The following PIWIL1 variants were observed in gnomAD, a reference collection of about 807,000 sequenced individuals.
PIWIL1 encodes the protein piwi-like protein 1.
PIWIL1 carries 73 observed loss-of-function variants against 114.4 expected under a neutral mutation model. That is an observed-to-expected ratio of 0.64 (90% CI 0.53 to 0.78). The LOEUF is 0.78. Among genes scored for constraint, PIWIL1 ranks in the 30% least tolerant of loss-of-function variants. The pLI is 0.00. For synonymous variants in PIWIL1, 375 were observed against 369.0 expected, an observed-to-expected ratio of 1.02 and a Z score of -0.19; for missense variants, 723 against 1,063.1, an observed-to-expected ratio of 0.68 and a Z score of 4.45.
chr12:130,365,188 T>C (rs2073621467), intron 18 of PIWIL1, among the ~76,000 whole-genome samples: 1 of 152,188 alleles, frequency 6.6e-6, no homozygotes, highest in African/African-American at 2.4e-5. Context: ...AGTCGACTGC[T>C]TGGGCTGACA....
At chr12:130,374,492 A>G (rs950736863), downstream of PIWIL1, among the ~76,000 whole-genome samples, 5 of 152,336 alleles carry the variant, frequency 3.3e-5, no homozygotes, top group African/African-American at 7.2e-5. Context: ...AAGAGTAGTC[A>G]GGAGGGAGTC....
At chr12:130,367,019 T>G in intron 18 of PIWIL1, 114 bp from the exon 19 acceptor site, 1 of 1,189,922 alleles carries the variant, frequency 8.4e-7, no homozygotes, top group Non-Finnish European at 1.2e-6. Context: ...GGACAGATGA[T>G]ACGCCCCAGG....
At chr12:130,407,761 C>G in the PIWIL1 span, 1 of 1,614,096 alleles carries the variant, frequency 6.2e-7, no homozygotes, top group African/African-American at 1.3e-5. Flanking sequence ...TCTCTGGGGT[C>G]GTAGTCATAC....
chr12:130,346,962 A>G lies in PIWIL1; in HGVS notation c.553A>G (p.Thr185Ala). The G allele has an allele frequency of 6.2e-7, 1 of 1,612,912 alleles. No homozygotes were observed. Among genetic ancestry groups the G allele is most frequent in the Non-Finnish European group, 8.5e-7 (1 of 1,179,586 alleles). The change falls in exon 6 of 21, where the codon ACC (threonine) becomes GCC (alanine). Residue 185 changes from threonine to alanine, a missense_variant. Physicochemically the swap from Thr to Ala is moderately conservative, Grantham distance 58 (BLOSUM62 0). Around this residue, in one of 8 missense-constraint regions of PIWIL1, gnomAD observed 190 missense variants for 294.4 expected, o/e 0.65. Transcript: ENST00000245255. ...QQKVTEVFSK[T>A]RNGEDVRITI... ...TCAGGTTACTGAAGTTTTTAGTAAGACCCGGAATGGAGAGGATGTGAGGAT... is the reference window on the plus strand; with the variant it reads ...TCAGGTTACTGAAGTTTTTAGTAAGGCCCGGAATGGAGAGGATGTGAGGAT...
chr12:130,370,007 C>T (rs1703358588), intron 19 of PIWIL1, among the ~76,000 whole-genome samples: 1 of 152,290 alleles, frequency 6.6e-6, no homozygotes, highest in East Asian at 1.9e-4. Context: ...GCTGGGAAGC[C>T]GGGCTTGGAT....
At chr12:130,410,679 G>C in the PIWIL1 span, among the ~76,000 whole-genome samples, 47 of 152,236 alleles carry the variant, frequency 3.1e-4, no homozygotes, top group African/African-American at 1.1e-3. Flanking sequence ...ATATGTGTTG[G>C]TCTGTTTCTG....
At chr12:130,363,975 T>C (rs1193198323) in intron 18 of PIWIL1, among the ~76,000 whole-genome samples, 1 of 152,178 alleles carries the variant, frequency 6.6e-6, no homozygotes, top group Non-Finnish European at 1.5e-5. Flanking sequence ...GATGCTGCAC[T>C]TGTTTTCCTT....
chr12:130,361,668 T>A, intron 16 of PIWIL1, 67 bp downstream of exon 16: 1 of 1,215,722 alleles, frequency 8.2e-7, no homozygotes, highest in Non-Finnish European at 1.2e-6. Context: ...GGTTCAGGAG[T>A]AGTGTTCATT....
the PIWIL1 span, among the ~76,000 whole-genome samples, chr12:130,400,140 G>A: frequency 6.6e-6 from 1 of 152,060 alleles, no homozygotes; most frequent in African/African-American, 2.4e-5. Context: ...GTGGTTCTCG[G>A]GCCTGGCTGA....
chr12:130,356,648 C>G (rs747790806), intron 12 of PIWIL1, among the ~76,000 whole-genome samples: 1 of 152,070 alleles, frequency 6.6e-6, no homozygotes, highest in Non-Finnish European at 1.5e-5. Context: ...AAGGAGAATG[C>G]GACTAAAGCA....
chr12:130,377,429 G>C (rs2173085), downstream of PIWIL1, among the ~76,000 whole-genome samples: 1 of 152,124 alleles, frequency 6.6e-6, no homozygotes, highest in South Asian at 2.1e-4. Context: ...CGCAGTTCAC[G>C]GAACAATCTC....
the PIWIL1 span, chr12:130,424,481 C>T: frequency 1.8e-5 from 22 of 1,232,132 alleles, no homozygotes; most frequent in Middle Eastern, 3.1e-4. The surrounding 1 kb of genome is among the most constrained non-coding windows in gnomAD (Gnocchi z 9.8). Context: ...AGCCAAACCG[C>T]GACTCGTCCT....
chr12:130,416,460 A>G, the PIWIL1 span, among the ~76,000 whole-genome samples: 1 of 152,234 alleles, frequency 6.6e-6, no homozygotes, highest in Non-Finnish European at 1.5e-5. Flanking sequence ...GCTGAGAAAA[A>G]TAAGCAGTGG....
chr12:130,421,610 C>T, the PIWIL1 span, among the ~76,000 whole-genome samples: 578 of 152,114 alleles, frequency 3.8e-3, 3 homozygotes, highest in African/African-American at 0.013. Context: ...AGAAGTTATC[C>T]TCCTTGAGCC....
chr12:130,368,312 T>C (rs1340109170), intron 19 of PIWIL1, among the ~76,000 whole-genome samples: 2 of 152,164 alleles, frequency 1.3e-5, no homozygotes, highest in Non-Finnish European at 2.9e-5. Context: ...TCTCGGCCTG[T>C]GTGCAAAGTT....
chr12:130,399,054 C>A, the PIWIL1 span: 1 of 882,106 alleles, frequency 1.1e-6, no homozygotes, highest in Non-Finnish European at 1.6e-6. Flanking sequence ...GTCTACCACA[C>A]TGGCCCGGTT....
In PIWIL1 at chr12:130,343,006, A is replaced by T. The variant is rs200930825; in HGVS notation, c.95A>T (p.Tyr32Phe). Reference sequence around the variant, plus strand: ...TAACTACAGAGTCAGCAACCTGGTTATATTCAGCCTAGGCCTCAGCCGCCA... The same window carrying T: ...TAACTACAGAGTCAGCAACCTGGTTTTATTCAGCCTAGGCCTCAGCCGCCA... ...VGSTASQQPGYIQPRPQPPPA... is the reference protein window; with the variant it reads ...VGSTASQQPGFIQPRPQPPPA... Residue 32 changes from tyrosine (Y) to phenylalanine (F), a missense_variant, in exon 3 of 21, where the codon TAT becomes TTT. By Grantham distance (22) the Tyr-to-Phe change is conservative (BLOSUM62 3). Transcript: ENST00000245255. The T allele has an allele frequency of 1.2e-6, 2 of 1,613,964 alleles. No homozygotes were observed. Among genetic ancestry groups the T allele is most frequent in the African/African-American group, 1.3e-5 (1 of 75,048 alleles).
chr12:130,382,074 A>G, the PIWIL1 span, among the ~76,000 whole-genome samples: 4 of 152,192 alleles, frequency 2.6e-5, no homozygotes, highest in Non-Finnish European at 5.9e-5. Flanking sequence ...TCTTTTGCAA[A>G]TATATTGAAT....
At chr12:130,339,703 A>G (rs2072845697) in intron 1 of PIWIL1, 1 of 152,162 alleles carries the variant, frequency 6.6e-6, no homozygotes, top group Admixed American at 6.5e-5. Flanking sequence ...CCCCCCAGGT[A>G]TTTAGTGACC....
Sources: allele counts gnomAD v4.1 joint callset (sites outside exome capture counted in the v4.1 genomes callset), GRCh38; gene constraint gnomAD v4.1.1; regional missense constraint gnomAD v4.1.1; non-coding constraint Gnocchi (gnomAD v3.1); transcripts MANE v1.5; gene names NCBI Gene and HGNC (gene_info 2026-07-23, HGNC 2026-07-21).